The following AFP variants were observed in gnomAD, a reference collection of about 807,000 sequenced individuals.
AFP encodes the protein alpha fetoprotein.
A neutral mutation model predicts 78.9 loss-of-function variants in AFP; 64 were observed. That is an observed-to-expected ratio of 0.81 (90% CI 0.66 to 1.00). AFP has a LOEUF of 1.00. Among genes scored for constraint, AFP ranks in the 50% least tolerant of loss-of-function variants. The pLI is 0.00. For synonymous variants in AFP, 254 were observed against 243.8 expected (o/e 1.04, Z -0.39); for missense variants, 689 against 703.8 (o/e 0.98, Z 0.24).
In AFP at chr4:73,436,314, T is replaced by C. The variant is rs1354970382; in HGVS notation, c.52T>C (p.Ser18Pro). ...AATTTTCCTACTAAATTTTACTGAA[T>C]CCAGAACACTGCATAGAAATGAATA... ...FLIFLLNFTESRTLHRNEYGI... is the reference protein window; with the variant it reads ...FLIFLLNFTEPRTLHRNEYGI... The change falls in exon 1 of 15, where the codon TCC (serine) becomes CCC (proline). Residue 18 changes from serine (S) to proline (P), a missense_variant. Physicochemically the swap from Ser to Pro is moderately conservative, Grantham distance 74. Coordinates refer to ENST00000395792, the MANE Select transcript of AFP (RefSeq NM_001134.3). 1 of 1,601,252 alleles carries C rather than the reference T, an allele frequency of 6.2e-7. No homozygotes were observed. The highest frequency in any genetic ancestry group is 1.3e-5 in the African/African-American group (1 of 74,648).
intron 3 of AFP, among the ~76,000 whole-genome samples, chr4:73,439,923 C>CTG (rs1182636736): frequency 1.1e-3 from 85 of 75,412 alleles, no homozygotes; most frequent in Admixed American, 2.4e-3. Context: ...TGTGGTATGT[C>CTG]TGTGTGTGTG....
intron 7 of AFP, 149 bp from the exon 8 acceptor site, chr4:73,447,312 CT>C: frequency 2.1e-6 from 1 of 470,228 alleles, no homozygotes; most frequent in East Asian, 3.7e-5. Flanking sequence ...CTCTATTTCC[CT>C]TTCCCCTTCC....
At position 73,450,170 on chromosome 4, in the gene AFP, A is replaced by G. The variant is rs199948794; in HGVS notation, c.1289+37A>G. 1.3e-4 allele frequency: 188 copies of G among 1,475,580 alleles called. 2 individuals carry two copies. Among genetic ancestry groups the G allele is most frequent in the Non-Finnish European group, 2.3e-5 (24 of 1,063,470 alleles). 91.4% of individuals were successfully genotyped at this position (1,475,580 alleles called of 1,614,324 possible). A position where few individuals can be genotyped will look rare whatever the true frequency, so the allele number is the denominator to read the frequency against. On this transcript the variant is annotated intron_variant, in intron 10 of 14. Coordinates refer to ENST00000395792, the MANE Select transcript of AFP (RefSeq NM_001134.3). ...TAAACAGTATTTTTAGTGAATTAAA[A>G]TTATTAAAGAGAATGTAGCCTTCCC...
At chr4:73,449,490 G>T (rs749783288) in intron 9 of AFP, 23 bp downstream of exon 9, 36 of 1,612,788 alleles carry the variant, frequency 2.2e-5, no homozygotes, top group Non-Finnish European at 8.5e-7. Flanking sequence ...AGAATTTTAG[G>T]GGAGTATGAA....
intron 8 of AFP, 132 bp from the exon 9 acceptor site, chr4:73,449,203 A>G (rs777608132): frequency 3.2e-5 from 26 of 814,304 alleles, no homozygotes; most frequent in African/African-American, 5.2e-5. Context: ...TTCAAATCAT[A>G]TTTGATTTTC....
rs1343804786 is a variant in AFP, at chr4:73,438,070, C to T, written c.138-104C>T. 6 of 1,497,302 alleles carry T rather than the reference C, an allele frequency of 4.0e-6. No homozygotes were observed. In the African/African-American group the frequency reaches 4.2e-5, roughly 11 times the overall value. The allele number at this position is 1,497,302 out of a possible 1,614,324, so 92.8% of individuals were successfully genotyped here. A position where few individuals can be genotyped will look rare whatever the true frequency, so the allele number is the denominator to read the frequency against. ...ACAAATCAAATGTCTAAACAGATTA[C>T]AACATAAATAGAAAACAAAACAAAC... On this transcript the variant is annotated intron_variant, in intron 2 of 14. Transcript: ENST00000395792.
intron 9 of AFP, 70 bp from the exon 10 acceptor site, chr4:73,449,966 A>G: frequency 1.0e-6 from 1 of 985,140 alleles, no homozygotes; most frequent in Non-Finnish European, 1.6e-6. Flanking sequence ...TATAATATTG[A>G]TCAATTTTAT....
rs1311033349 is a variant in AFP at position 73,445,072 on chromosome 4, G to A, written c.793G>A (p.Val265Ile). 1 of 1,613,992 alleles carries A rather than the reference G, an allele frequency of 6.2e-7. No homozygotes were observed. The highest frequency in any genetic ancestry group is 8.5e-7 in the Non-Finnish European group (1 of 1,179,902). The part of the protein sequence containing the change: ...IQKLVLDVAH[V>I]HEHCCRGDVL... ...GAAACTAGTCCTGGATGTGGCCCAT[G>A]TACATGAGCACTGTTGCAGAGGAGA... Residue 265 changes from valine to isoleucine, a missense_variant, in exon 7 of 15, where the codon GTA (valine) becomes ATA (isoleucine). Transcript: ENST00000395792.
Position 73,452,501 on chromosome 4 carries a change from C to A in AFP, c.1529C>A (p.Pro510Gln). The part of the protein sequence containing the change: ...CCTSSYANRR[P>Q]CFSSLVVDET... Reference sequence around the variant, plus strand: ...ACTTCTTCATATGCCAACAGGAGGCCATGCTTCAGCAGCTTGGTGGTGGAT... The same window carrying A: ...ACTTCTTCATATGCCAACAGGAGGCAATGCTTCAGCAGCTTGGTGGTGGAT... The change falls in exon 12 of 15, where the codon CCA becomes CAA. Residue 510 changes from proline (P) to glutamine (Q), a missense_variant. Physicochemically the swap from Pro to Gln is moderately conservative, Grantham distance 76 (BLOSUM62 -1). Transcript: ENST00000395792. 1 of 1,614,108 alleles carries A rather than the reference C, an allele frequency of 6.2e-7. No individual in the cohort carries two copies. Among genetic ancestry groups the A allele is most frequent in the South Asian group, 1.1e-5 (1 of 91,088 alleles).
intron 10 of AFP, 57 bp from the exon 11 acceptor site, chr4:73,450,558 G>A (rs1719961908): frequency 1.2e-6 from 2 of 1,612,200 alleles, no homozygotes; most frequent in Non-Finnish European, 1.7e-6. Context: ...AAGAAGCAAG[G>A]CGGCTAAAAA....
intron 14 of AFP, 107 bp from the exon 15 acceptor site, chr4:73,455,524 G>A (rs1720133012): frequency 3.1e-6 from 2 of 647,972 alleles, no homozygotes; most frequent in East Asian, 2.7e-5. Flanking sequence ...GCTATCAGAA[G>A]ACTTTCCTAC....
chr4:73,453,959 A>C, intron 13 of AFP, 62 bp downstream of exon 13: 4 of 1,589,018 alleles, frequency 2.5e-6, no homozygotes, highest in Non-Finnish European at 3.5e-6. Context: ...GTGGATAATG[A>C]AAGGAAGACC....
Position 73,455,781 on chromosome 4 carries a change from T to C in AFP, c.*161T>C. The C allele has an allele frequency of 3.2e-6, 2 of 629,950 alleles. 1 individual carries two copies. The highest frequency in any genetic ancestry group is 3.6e-5 in the South Asian group (2 of 55,842). 39.0% of individuals were successfully genotyped at this position (629,950 alleles called of 1,614,324 possible). On this transcript the variant is annotated 3_prime_UTR_variant, in exon 15 of 15. Transcript: ENST00000395792. Reference sequence around the variant, plus strand: ...AAATAAAATATCTCCAAATGTTTCCTTTTCCAAGTTTGCTTATTTATGAAA... The same window carrying C: ...AAATAAAATATCTCCAAATGTTTCCCTTTCCAAGTTTGCTTATTTATGAAA...
At chr4:73,452,328 T>G in intron 11 of AFP, 73 bp from the exon 12 acceptor site, 1 of 1,239,822 alleles carries the variant, frequency 8.1e-7, no homozygotes, top group Non-Finnish European at 1.2e-6. Flanking sequence ...TTGCAGCAGT[T>G]TTCTGAAAAA....
At chr4:73,451,237 G>T (rs544604562) in intron 11 of AFP, among the ~76,000 whole-genome samples, 2 of 151,962 alleles carry the variant, frequency 1.3e-5, no homozygotes, top group Admixed American at 1.3e-4. Context: ...GTTCCCTTTC[G>T]CAGGGTATAG....
intron 12 of AFP, among the ~76,000 whole-genome samples, chr4:73,452,878 T>C (rs916971078): frequency 4.6e-5 from 7 of 152,178 alleles, no homozygotes; most frequent in Non-Finnish European, 1.0e-4. Flanking sequence ...TATTGTGATA[T>C]GTATTTGGGG....
intron 7 of AFP, among the ~76,000 whole-genome samples, chr4:73,446,835 A>G (rs12504308): frequency 0.42 from 64,180 of 152,022 alleles, 13,874 homozygotes; most frequent in Admixed American, 0.52. Context: ...GTTTTCAATT[A>G]AAATAACATA....
At chr4:73,448,745 G>T (rs1719902283) in intron 8 of AFP, among the ~76,000 whole-genome samples, 1 of 152,146 alleles carries the variant, frequency 6.6e-6, no homozygotes, top group African/African-American at 2.4e-5. Flanking sequence ...AGCCAGGAAT[G>T]ATCTTCCCCC....
At chr4:73,443,158 A>G (rs912761340) in intron 5 of AFP, among the ~76,000 whole-genome samples, 189 bp from the exon 6 acceptor site, 7 of 152,310 alleles carry the variant, frequency 4.6e-5, no homozygotes, top group African/African-American at 1.7e-4. Context: ...ACAGATGCAT[A>G]TAAACTAACC....
Sources: gnomAD v4.1 joint callset for allele counts (sites outside exome capture counted in the v4.1 genomes callset) on GRCh38, gnomAD v4.1.1 for gene constraint, MANE v1.5 for transcripts, NCBI Gene and HGNC (gene_info 2026-07-23, HGNC 2026-07-21) for gene names.